Variants in LDHC observed in about 807,000 individuals in gnomAD.
The protein encoded by LDHC is lactate dehydrogenase C, also known as L-lactate dehydrogenase C chain.
Under a neutral mutation model 30.2 loss-of-function variants are expected in LDHC, and 20 were observed. The observed-to-expected ratio is 0.66, with a 90% CI of 0.47 to 0.96. LDHC has a LOEUF of 0.96. Ranked by LOEUF, LDHC falls within the 40% of genes least tolerant of loss-of-function variation. LDHC has a pLI of 0.00. For missense variants in LDHC, 362 were observed against 394.9 expected (o/e 0.92, Z 0.71); for synonymous variants, 139 against 132.7 (o/e 1.05, Z -0.32).
chr11:18,421,411 C>T (rs1412880170), intron 3 of LDHC, among the ~76,000 whole-genome samples: 1 of 147,390 alleles, frequency 6.8e-6, no homozygotes, highest in Admixed American at 6.7e-5. Flanking sequence ...TGGTGGCTCA[C>T]GCCAGTAATC....
intron 3 of LDHC, among the ~76,000 whole-genome samples, chr11:18,423,974 C>A (rs891362937): frequency 7.9e-5 from 12 of 151,352 alleles, no homozygotes; most frequent in African/African-American, 2.2e-4. Flanking sequence ...AAAACCATAT[C>A]AATATACCAT....
intron 4 of LDHC, among the ~76,000 whole-genome samples, chr11:18,432,704 C>T (rs1848288860): frequency 6.6e-6 from 1 of 152,140 alleles, no homozygotes; most frequent in South Asian, 2.1e-4. Flanking sequence ...GGCCTTTTAC[C>T]ATTATATAAT....
At position 18,419,418 on chromosome 11, in the gene LDHC, A is replaced by G. The variant is rs574698731; in HGVS notation, c.244+4117A>G. Among the ~76,000 whole-genome samples the G allele has an allele frequency of 4.6e-4, 70 of 152,336 alleles. 2 individuals are homozygous for G. The South Asian group carries it at 0.015, about 32-fold the overall frequency. On this transcript the variant is annotated intron_variant, in intron 3 of 7. Coordinates refer to ENST00000541669, the MANE Select transcript of LDHC (RefSeq NM_017448.5). ...CTACAAGTAAAATTGAATGTCTTAGACACTTTAGTGGGGGAATATACCTGC... is the reference window on the plus strand; with the variant it reads ...CTACAAGTAAAATTGAATGTCTTAGGCACTTTAGTGGGGGAATATACCTGC...
rs753092646 is a variant in LDHC, at chr11:18,451,206, A to G, written c.*79A>G. The G allele has an allele frequency of 3.1e-5, 31 of 988,780 alleles. No individual in the cohort carries two copies. The Admixed American group carries it at 6.9e-4, about 22-fold the overall frequency. The allele number at this position is 988,780 out of a possible 1,614,324, so 61.3% of individuals were successfully genotyped here. On this transcript the variant is annotated 3_prime_UTR_variant, in exon 8 of 8. Coordinates refer to ENST00000541669, the MANE Select transcript of LDHC (RefSeq NM_017448.5). ...TATTTTAAATTTTGAAAGTATTTTC[A>G]TTTGATCTTTAAAAAATAAAAACAA... is the stretch of plus-strand genomic sequence containing the variant.
At chr11:18,421,291 G>C (rs1276401354) in intron 3 of LDHC, among the ~76,000 whole-genome samples, 1 of 151,654 alleles carries the variant, frequency 6.6e-6, no homozygotes, top group African/African-American at 2.4e-5. Flanking sequence ...CTGACCTCAG[G>C]TGGTCTGCCC....
chr11:18,442,573 C>T (rs73440606), intron 6 of LDHC, among the ~76,000 whole-genome samples: 23,242 of 151,888 alleles, frequency 0.15, 2,000 homozygotes, highest in African/African-American at 0.23. Context: ...CTGTTTTTTT[C>T]CCCCCTCTAT....
chr11:18,415,690 T>TTTTA (rs1197453837), intron 3 of LDHC, among the ~76,000 whole-genome samples: 2 of 150,798 alleles, frequency 1.3e-5, no homozygotes, highest in African/African-American at 2.4e-5. Context: ...TATAGTTTAT[T>TTTTA]TTTATTTATT....
chr11:18,446,348 A>T lies in LDHC; in HGVS notation c.834+15A>T. 6.3e-7 allele frequency: 1 copy of T among 1,580,058 alleles called. No homozygotes were observed. The highest frequency in any genetic ancestry group is 8.7e-7 in the Non-Finnish European group (1 of 1,149,970). On this transcript the variant is annotated intron_variant, in intron 7 of 7. Coordinates refer to ENST00000541669, the MANE Select transcript of LDHC (RefSeq NM_017448.5). Reference sequence around the variant, plus strand: ...CCATGGTTAAGGTAGGCTTAAATTAAATCTTCATTTATCATTCTTTCCTTT... The same window carrying T: ...CCATGGTTAAGGTAGGCTTAAATTATATCTTCATTTATCATTCTTTCCTTT...
chr11:18,424,323 A>G (rs1848122924), intron 3 of LDHC, among the ~76,000 whole-genome samples: 1 of 152,070 alleles, frequency 6.6e-6, no homozygotes, highest in African/African-American at 2.4e-5. Context: ...TGGAGGTTGC[A>G]GTGAGCCTAG....
chr11:18,417,394 A>G (rs987422367), intron 3 of LDHC, among the ~76,000 whole-genome samples: 2 of 152,156 alleles, frequency 1.3e-5, no homozygotes, highest in Admixed American at 6.6e-5. Flanking sequence ...ACCTTACTAA[A>G]TTTTATGACT....
chr11:18,427,739 A>G (rs1447197987), intron 3 of LDHC, among the ~76,000 whole-genome samples: 1 of 149,166 alleles, frequency 6.7e-6, no homozygotes, highest in East Asian at 2.0e-4. Context: ...ATGCAGTGGC[A>G]CAGTCTCGGC....
chr11:18,439,178 T>A (rs1848411887), intron 6 of LDHC, among the ~76,000 whole-genome samples: 1 of 152,214 alleles, frequency 6.6e-6, no homozygotes, highest in African/African-American at 2.4e-5. Flanking sequence ...AAATGAAGCA[T>A]CTGACTCCAT....
chr11:18,422,049 G>C lies in LDHC; in HGVS notation c.244+6748G>C, dbSNP rs1031979557. ...TGAGGCAGGAGAATCACTTCAACCCGGCAGGTGGAGGTTGCAGTGAGCCAA... is the reference window on the plus strand; with the variant it reads ...TGAGGCAGGAGAATCACTTCAACCCCGCAGGTGGAGGTTGCAGTGAGCCAA... On this transcript the variant is annotated intron_variant, in intron 3 of 7. Transcript: ENST00000541669. 5.9e-5 allele frequency among the ~76,000 whole-genome samples: 9 copies of C among 151,814 alleles called. No individual in the cohort carries two copies. The East Asian group carries it at 1.7e-3, about 29-fold the overall frequency.
At chr11:18,444,888 T>C (rs1848529652) in intron 6 of LDHC, among the ~76,000 whole-genome samples, 1 of 151,782 alleles carries the variant, frequency 6.6e-6, no homozygotes, top group East Asian at 1.9e-4. Flanking sequence ...TAAATATTAA[T>C]TGTAGGAAAT....
intron 6 of LDHC, among the ~76,000 whole-genome samples, 200 bp from the exon 7 acceptor site, chr11:18,446,010 T>C (rs1453995471): frequency 1.3e-5 from 2 of 152,130 alleles, no homozygotes; most frequent in Admixed American, 1.3e-4. Context: ...AAAAAAGTAA[T>C]AAAGTATGTA....
intron 6 of LDHC, among the ~76,000 whole-genome samples, chr11:18,442,021 C>T (rs747483307): frequency 6.6e-6 from 1 of 152,162 alleles, no homozygotes; most frequent in African/African-American, 2.4e-5. Context: ...GGGCAGACTT[C>T]CCCAGCACAG....
chr11:18,438,575 C>T lies in LDHC; in HGVS notation c.640C>T (p.Leu214=). 1.9e-6 allele frequency: 3 copies of T among 1,613,542 alleles called. No homozygotes were observed. Among genetic ancestry groups the T allele is most frequent in the Non-Finnish European group, 2.5e-6 (3 of 1,179,492 alleles). ...TGTTGCTGGTGTTGCTCTGAAGACT[C>T]TGGACCCTAAATTAGGAACGGATTC... is the stretch of plus-strand genomic sequence containing the variant. ...VNVAGVALKT[L]DPKLGTDSDK... The change falls in exon 6 of 8, where the codon CTG becomes TTG. Residue 214 remains leucine, a synonymous_variant. Coordinates refer to ENST00000541669, the MANE Select transcript of LDHC (RefSeq NM_017448.5).
rs576641864 is a variant in LDHC, at chr11:18,451,796, G to T, written c.*669G>T. ...AACACCCCATCTCTACAAAAATAAA[G>T]AAATTAGATGTGGTGGCCTGCATCT... On this transcript the variant is annotated 3_prime_UTR_variant, in exon 8 of 8. Coordinates refer to ENST00000541669, the MANE Select transcript of LDHC (RefSeq NM_017448.5). 6 of 152,186 alleles carry T rather than the reference G, an allele frequency of 3.9e-5. No individual in the cohort carries two copies. In the South Asian group the frequency reaches 6.2e-4, roughly 16 times the overall value. 9.4% of individuals were successfully genotyped at this position (152,186 alleles called of 1,614,324 possible). A position where few individuals can be genotyped will look rare whatever the true frequency, so the allele number is the denominator to read the frequency against.
At chr11:18,440,219 C>T (rs1426592417) in intron 6 of LDHC, among the ~76,000 whole-genome samples, 1 of 151,136 alleles carries the variant, frequency 6.6e-6, no homozygotes, top group Non-Finnish European at 1.5e-5. Flanking sequence ...GAGGCTGCGG[C>T]AGGAGAATCG....
Sources: gnomAD v4.1 joint callset for allele counts (sites outside exome capture counted in the v4.1 genomes callset) on GRCh38, gnomAD v4.1.1 for gene constraint, MANE v1.5 for transcripts, NCBI Gene and HGNC (gene_info 2026-07-23, HGNC 2026-07-21) for gene names.